The following KIAA2012 variants were observed in gnomAD, a reference collection of about 807,000 sequenced individuals.
The protein encoded by KIAA2012 is uncharacterized protein KIAA2012.
A neutral mutation model predicts 150.6 loss-of-function variants in KIAA2012; 125 were observed. The ratio of observed to expected loss-of-function variants is 0.83; its 90% CI spans 0.72 to 0.96. The LOEUF (loss-of-function observed/expected upper bound fraction) is 0.96. Among genes scored for constraint, KIAA2012 ranks in the 40% least tolerant of loss-of-function variants. The probability of loss-of-function intolerance (pLI) is 0.00; values close to 1 mark genes in which losing one functional copy is unlikely to be tolerated. For missense variants in KIAA2012, 1,219 were observed against 1,354.9 expected (o/e 0.90, Z 1.57); for synonymous variants, 462 against 504.7 (o/e 0.92, Z 1.13).
At chr2:202,183,866 C>G (rs1335627278) in intron 15 of KIAA2012, among the ~76,000 whole-genome samples, 4 of 152,138 alleles carry the variant, frequency 2.6e-5, no homozygotes, top group African/African-American at 9.7e-5. Context: ...CACACCTAAA[C>G]CTCCCAATGT....
intron 11 of KIAA2012, among the ~76,000 whole-genome samples, chr2:202,119,287 G>T (rs1404437621): frequency 1.4e-5 from 2 of 148,028 alleles, no homozygotes; most frequent in Non-Finnish European, 3.0e-5. Flanking sequence ...AAAAAAAAAA[G>T]AATAATAGCT....
chr2:202,107,944 G>T (rs1690243694), intron 9 of KIAA2012, among the ~76,000 whole-genome samples: 3 of 152,140 alleles, frequency 2.0e-5, no homozygotes, highest in Admixed American at 2.0e-4. Flanking sequence ...AGGAGACGGA[G>T]GTTGCAGCGA....
chr2:202,201,552 G>A, intron 22 of KIAA2012: 1 of 1,609,988 alleles, frequency 6.2e-7, no homozygotes, highest in Non-Finnish European at 8.5e-7. Flanking sequence ...TCTGGCACCT[G>A]CATCATACCC....
chr2:202,081,543 C>CTTTT (rs71025274), intron 2 of KIAA2012, among the ~76,000 whole-genome samples: 2 of 112,748 alleles, frequency 1.8e-5, no homozygotes, highest in African/African-American at 3.2e-5. Flanking sequence ...TTTTTAAACA[C>CTTTT]TTTTTTTTTT....
chr2:202,195,882 G>C (rs1692404491), intron 21 of KIAA2012, among the ~76,000 whole-genome samples: 1 of 152,170 alleles, frequency 6.6e-6, no homozygotes, highest in Admixed American at 6.5e-5. Context: ...GATAAGTAGT[G>C]TTCCATCATG....
At chr2:202,085,307 G>A (rs1446459176) in intron 2 of KIAA2012, among the ~76,000 whole-genome samples, 2 of 152,196 alleles carry the variant, frequency 1.3e-5, no homozygotes, top group East Asian at 1.9e-4. Flanking sequence ...CAAGGTTGCC[G>A]ATGGAATTAA....
In KIAA2012 at chr2:202,193,321, G is replaced by A. The variant is rs1367135162; in HGVS notation, c.2832G>A (p.Glu944=). ...DPSKALLTKR[E]QEKASWDRLR... ...CTTAGGCCCTCCTCACTAAGAGGGA[G>A]CAGGAGAAGGCTTCCTGGGACAGGC... The change falls in exon 20 of 24, where the codon GAG becomes GAA. Residue 944 remains glutamate (E), a synonymous_variant. Transcript: ENST00000498697. 1.9e-6 allele frequency: 3 copies of A among 1,549,696 alleles called. No individual in the cohort carries two copies. The highest frequency in any genetic ancestry group is 2.6e-6 in the Non-Finnish European group (3 of 1,146,830).
At chr2:202,134,855 G>A (rs760308789) in intron 12 of KIAA2012, among the ~76,000 whole-genome samples, 1 of 152,180 alleles carries the variant, frequency 6.6e-6, no homozygotes, top group African/African-American at 2.4e-5. Context: ...ACGCCCTGCC[G>A]ACTATGTTTC....
intron 13 of KIAA2012, among the ~76,000 whole-genome samples, chr2:202,144,827 C>T (rs1341792176): frequency 6.6e-6 from 1 of 152,204 alleles, no homozygotes; most frequent in African/African-American, 2.4e-5. Context: ...CTAAACCTGT[C>T]ATTAACATTA....
chr2:202,186,385 G>A (rs1024920005), intron 16 of KIAA2012, among the ~76,000 whole-genome samples: 4 of 152,162 alleles, frequency 2.6e-5, no homozygotes, highest in African/African-American at 4.8e-5. Flanking sequence ...GGTGGTGGGC[G>A]CCTGTAATCC....
At chr2:202,167,603 T>C (rs78263040) in intron 15 of KIAA2012, among the ~76,000 whole-genome samples, 7,056 of 152,140 alleles carry the variant, frequency 0.046, 562 homozygotes, top group African/African-American at 0.16. Context: ...GGAGGATCAC[T>C]TCAGACCAGA....
At chr2:202,155,364 C>T (rs1233746330) in intron 14 of KIAA2012, among the ~76,000 whole-genome samples, 1 of 152,120 alleles carries the variant, frequency 6.6e-6, no homozygotes, top group Non-Finnish European at 1.5e-5. Flanking sequence ...GCAATACTCC[C>T]TCCCACCCCA....
At position 202,138,519 on chromosome 2, in the gene KIAA2012, G is replaced by A; in HGVS notation, c.1908+11G>A. ...ACAACAGAGAAGCAGGTATAGTATTGACTCTGAATGAGGATGACACTAGGA... is the reference window on the plus strand; with the variant it reads ...ACAACAGAGAAGCAGGTATAGTATTAACTCTGAATGAGGATGACACTAGGA... On this transcript the variant is annotated intron_variant, in intron 13 of 23. Transcript: ENST00000498697. 1 of 1,540,894 alleles carries A rather than the reference G, an allele frequency of 6.5e-7. No homozygotes were observed. Among genetic ancestry groups the A allele is most frequent in the Non-Finnish European group, 8.8e-7 (1 of 1,138,812 alleles).
At chr2:202,140,033 G>T (rs868109157) in intron 13 of KIAA2012, among the ~76,000 whole-genome samples, 10 of 152,124 alleles carry the variant, frequency 6.6e-5, no homozygotes, top group Non-Finnish European at 1.0e-4. Flanking sequence ...TTCAAGACCA[G>T]CCTGGCCAAC....
At chr2:202,201,369 G>A (rs778323757) in intron 22 of KIAA2012, 167 of 1,583,878 alleles carry the variant, frequency 1.1e-4, no homozygotes, top group Non-Finnish European at 2.9e-5. Context: ...CACAAAGGTG[G>A]CCTTGGTTCC....
chr2:202,184,922 T>G, intron 16 of KIAA2012, 79 bp downstream of exon 16: 3 of 1,216,916 alleles, frequency 2.5e-6, no homozygotes, highest in South Asian at 1.5e-5. Flanking sequence ...AGTTTGGTTT[T>G]TTTTCAGACA....
At chr2:202,155,986 G>T (rs1045616241) in intron 14 of KIAA2012, among the ~76,000 whole-genome samples, 1 of 152,162 alleles carries the variant, frequency 6.6e-6, no homozygotes, top group Non-Finnish European at 1.5e-5. Context: ...AAATGCCATT[G>T]GCCCACCCTG....
chr2:202,157,917 G>T (rs1691561496), intron 14 of KIAA2012, among the ~76,000 whole-genome samples: 1 of 152,116 alleles, frequency 6.6e-6, no homozygotes, highest in African/African-American at 2.4e-5. Context: ...ACAGGATTTT[G>T]CCCTTCCCTC....
In KIAA2012 at chr2:202,073,408, G is replaced by A. The variant is rs754812963; in HGVS notation, c.-220G>A. On this transcript the variant is annotated 5_prime_UTR_variant, in exon 1 of 24. Coordinates refer to ENST00000498697, the MANE Select transcript of KIAA2012 (RefSeq NM_001277372.4). ...CAGGGCTTGAGGAGGCTGGCTGTGC[G>A]GTTTATTTTTTCTCTCCACAAAGAC... 4 of 480,180 alleles carry A rather than the reference G, an allele frequency of 8.3e-6. No individual in the cohort carries two copies. The highest frequency in any genetic ancestry group is 7.5e-5 in the South Asian group (2 of 26,508). 29.7% of individuals were successfully genotyped at this position (480,180 alleles called of 1,614,324 possible). A position where few individuals can be genotyped will look rare whatever the true frequency, so the allele number is the denominator to read the frequency against.
Sources: allele counts gnomAD v4.1 joint callset (sites outside exome capture counted in the v4.1 genomes callset), GRCh38; gene constraint gnomAD v4.1.1; transcripts MANE v1.5; gene names NCBI Gene and HGNC (gene_info 2026-07-23, HGNC 2026-07-21).